TP53BP1: variants seen among roughly 807,000 people sequenced by gnomAD.
The protein encoded by TP53BP1 is tumor protein p53 binding protein 1.
A neutral mutation model predicts 200.8 loss-of-function variants in TP53BP1; 61 were observed. The observed-to-expected ratio is 0.30, with a 90% CI of 0.25 to 0.38. TP53BP1 has a LOEUF of 0.38. Among genes scored for constraint, TP53BP1 ranks in the 10% least tolerant of loss-of-function variants. The pLI, the probability that TP53BP1 is intolerant of heterozygous loss-of-function variation, is 1.00. For synonymous variants in TP53BP1, 822 were observed against 844.3 expected (o/e 0.97, Z 0.46); for missense variants, 2,144 against 2,371.9 (o/e 0.90, Z 2.00).
chr15:43,420,947 C>T (rs2045381721), intron 20 of TP53BP1, 78 bp downstream of exon 20: 3 of 1,532,572 alleles, frequency 2.0e-6, no homozygotes, highest in Non-Finnish European at 2.6e-6. Flanking sequence ...TGACACCCCA[C>T]AAACTCTCTA....
rs140689367 is a variant in TP53BP1, at chr15:43,413,167, G to A, written c.5257C>T (p.Arg1753Cys). The change falls in exon 24 of 28, where the codon CGC (arginine) becomes TGC (cysteine). Residue 1753 changes from arginine (R) to cysteine (C), a missense_variant. Physicochemically the swap from Arg to Cys is radical, Grantham distance 180. Transcript: ENST00000382044. ...MATTSDKLAS[R>C]SKLPDGPTGS... Reference sequence around the variant, plus strand: ...GTAGGACCATCTGGCAGTTTGGAGCGGCTGGCCAACTTGTCACTGGTTGTG... The same window carrying A: ...GTAGGACCATCTGGCAGTTTGGAGCAGCTGGCCAACTTGTCACTGGTTGTG... 9.9e-4 allele frequency: 1,595 copies of A among 1,614,130 alleles called. 5 individuals are homozygous for A. The highest frequency in any genetic ancestry group is 1.2e-3 in the Non-Finnish European group (1,390 of 1,180,006).
chr15:43,405,138 T>C lies in TP53BP1; in HGVS notation c.*2245A>G. On this transcript the variant is annotated 3_prime_UTR_variant, in exon 28 of 28. Transcript: ENST00000382044. ...TTAGATCACAGGTTATCCTGATTCA[T>C]ATTTCTTTGAAGGTAGTCTTGGGAA... 3 of 1,574,216 alleles carry C rather than the reference T, an allele frequency of 1.9e-6. No individual in the cohort carries two copies. The highest frequency in any genetic ancestry group is 2.6e-6 in the Non-Finnish European group (3 of 1,144,502).
intron 1 of TP53BP1, among the ~76,000 whole-genome samples, chr15:43,507,669 TTG>T (rs1338656889): frequency 6.6e-6 from 1 of 152,172 alleles, no homozygotes; most frequent in Non-Finnish European, 1.5e-5. Context: ...TTTTCTGTCT[TTG>T]CTTATAAAAT....
chr15:43,404,386 A>G lies in TP53BP1; in HGVS notation c.*2997T>C, dbSNP rs2044785604. 1.2e-6 allele frequency: 2 copies of G among 1,613,452 alleles called. No homozygotes were observed. Among genetic ancestry groups the G allele is most frequent in the Non-Finnish European group, 1.7e-6 (2 of 1,179,636 alleles). Reference sequence around the variant, plus strand: ...TGGAGAGTTGGTGAGCTGAAGTGGAATGACAGCTGAGTCCTTCTCTCTGCA... The same window carrying G: ...TGGAGAGTTGGTGAGCTGAAGTGGAGTGACAGCTGAGTCCTTCTCTCTGCA... On this transcript the variant is annotated 3_prime_UTR_variant, in exon 28 of 28. Coordinates refer to ENST00000382044, the MANE Select transcript of TP53BP1 (RefSeq NM_001141980.3).
chr15:43,470,408 C>T (rs2046696303), intron 10 of TP53BP1, among the ~76,000 whole-genome samples: 2 of 152,200 alleles, frequency 1.3e-5, no homozygotes, highest in South Asian at 4.1e-4. Context: ...GCCCAAACTA[C>T]TGGTACCTAA....
At chr15:43,461,783 C>T (rs1339881350) in intron 11 of TP53BP1, among the ~76,000 whole-genome samples, 1 of 151,600 alleles carries the variant, frequency 6.6e-6, no homozygotes, top group African/African-American at 2.4e-5. Context: ...ATTTTCCTGC[C>T]TCAGCCTCCA....
intron 21 of TP53BP1, among the ~76,000 whole-genome samples, chr15:43,418,295 C>T (rs1186996358): frequency 6.6e-6 from 1 of 150,490 alleles, no homozygotes; most frequent in Non-Finnish European, 1.5e-5. Flanking sequence ...GTTGGGAGTT[C>T]GAGACCAGCC....
chr15:43,461,228 A>T (rs1007754450), intron 11 of TP53BP1, among the ~76,000 whole-genome samples: 11 of 148,564 alleles, frequency 7.4e-5, no homozygotes, highest in East Asian at 3.9e-4. Context: ...ATTTTATTTT[A>T]TTTTTTTTTT....
chr15:43,446,683 C>G (rs1215742512), intron 13 of TP53BP1, 93 bp from the exon 14 acceptor site: 4 of 1,556,208 alleles, frequency 2.6e-6, no homozygotes, highest in Admixed American at 1.8e-5. Flanking sequence ...GCCTGTTTGG[C>G]TCCACAGCTC....
Position 43,420,715 on chromosome 15 carries a change from G to A in TP53BP1, c.4271C>T (p.Pro1424Leu). ...AGGTGAAATGTCCTCTATGCCCAAG[G>A]GGCCAGGCACAGCTGTTTCTCTAAA... is the stretch of plus-strand genomic sequence containing the variant. ...TGTRETAVPG[P>L]LGIEDISPNL... The change falls in exon 21 of 28, where the codon CCC (proline) becomes CTC (leucine). Residue 1424 changes from proline to leucine, a missense_variant. By Grantham distance (98) the Pro-to-Leu change is moderately conservative. Around this residue, in one of 4 missense-constraint regions of TP53BP1, gnomAD observed 1,700 missense variants for 1,710.3 expected, o/e 0.99. Transcript: ENST00000382044. The A allele has an allele frequency of 2.5e-6, 4 of 1,613,866 alleles. No individual in the cohort carries two copies. The highest frequency in any genetic ancestry group is 3.4e-6 in the Non-Finnish European group (4 of 1,179,860).
intron 1 of TP53BP1, among the ~76,000 whole-genome samples, chr15:43,508,819 T>G (rs527716904): frequency 3.5e-4 from 53 of 152,240 alleles, no homozygotes; most frequent in African/African-American, 1.2e-3. Context: ...ATAAGCAATT[T>G]TAGTACTATC....
At chr15:43,453,193 CAAAAAAAAAA>C (rs34555611) in intron 12 of TP53BP1, among the ~76,000 whole-genome samples, 1 of 41,428 alleles carries the variant, frequency 2.4e-5, no homozygotes, top group Non-Finnish European at 4.6e-5. Context: ...GACTCCGTCT[CAAAAAAAAAA>C]AAAAAAAAAA....
intron 13 of TP53BP1, 48 bp downstream of exon 13, chr15:43,447,318 A>G (rs369439295): frequency 8.9e-6 from 14 of 1,569,286 alleles, no homozygotes; most frequent in Admixed American, 5.8e-5. Flanking sequence ...GTAGAGAATG[A>G]TATCTCAGAA....
chr15:43,504,045 G>A (rs541337158), intron 1 of TP53BP1, among the ~76,000 whole-genome samples: 2 of 152,170 alleles, frequency 1.3e-5, no homozygotes, highest in African/African-American at 4.8e-5. Context: ...ATAGCTTTGG[G>A]AGACCAAGAT....
chr15:43,421,763 G>A (rs754448031), intron 19 of TP53BP1, 92 bp downstream of exon 19: 2 of 1,488,358 alleles, frequency 1.3e-6, no homozygotes, highest in African/African-American at 2.8e-5. Flanking sequence ...GAGGATGGGG[G>A]ATTTCCCATT....
intron 18 of TP53BP1, among the ~76,000 whole-genome samples, chr15:43,422,429 T>C (rs1490193433): frequency 6.6e-6 from 1 of 152,146 alleles, no homozygotes. Flanking sequence ...AAAATAAACA[T>C]GGTACTATAT....
At chr15:43,481,051 T>C (rs1180885852) in intron 4 of TP53BP1, 29 bp from the exon 5 acceptor site, 3 of 1,613,776 alleles carry the variant, frequency 1.9e-6, no homozygotes. Context: ...TAATCATGTG[T>C]TCCCAGATAG....
At chr15:43,442,966 C>T (rs1298418488) in intron 14 of TP53BP1, among the ~76,000 whole-genome samples, 2 of 151,414 alleles carry the variant, frequency 1.3e-5, no homozygotes, top group East Asian at 3.9e-4. Flanking sequence ...GCTGGGATTA[C>T]AGGTACCTGC....
At chr15:43,453,058 G>A (rs2046208303) in intron 12 of TP53BP1, among the ~76,000 whole-genome samples, 1 of 151,898 alleles carries the variant, frequency 6.6e-6, no homozygotes, top group Non-Finnish European at 1.5e-5. Context: ...GCCGGACGTG[G>A]TGGTGGGCGC....
Sources: gnomAD v4.1 joint callset for allele counts (sites outside exome capture counted in the v4.1 genomes callset) on GRCh38, gnomAD v4.1.1 for gene constraint, gnomAD v4.1.1 regional missense constraint, MANE v1.5 for transcripts, NCBI Gene and HGNC (gene_info 2026-07-23, HGNC 2026-07-21) for gene names.